Variants in PRR16 observed in about 807,000 individuals in gnomAD.
PRR16 encodes the protein protein Largen.
Under a neutral mutation model 18.2 loss-of-function variants are expected in PRR16, and 6 were observed. That is an observed-to-expected ratio of 0.33 (90% CI 0.18 to 0.65). The LOEUF is 0.65. Among genes scored for constraint, PRR16 ranks in the 30% least tolerant of loss-of-function variants. PRR16 has a pLI of 0.74. For synonymous variants in PRR16, 151 were observed against 147.8 expected (o/e 1.02, Z -0.16); for missense variants, 412 against 376.6 (o/e 1.09, Z -0.78).
intron 1 of PRR16, among the ~76,000 whole-genome samples, chr5:120,632,865 C>A (rs1003624952): frequency 7.9e-5 from 12 of 152,066 alleles, no homozygotes; most frequent in Admixed American, 6.6e-4. Context: ...CATGCAAATA[C>A]AAGAAGCTCA....
chr5:120,753,870 T>TA, the PRR16 span, among the ~76,000 whole-genome samples: 1 of 126,658 alleles, frequency 7.9e-6, no homozygotes, highest in South Asian at 2.2e-4. Context: ...ATCTTATATA[T>TA]TATATATTTA....
intron 1 of PRR16, among the ~76,000 whole-genome samples, chr5:120,530,277 A>ATT (rs1288157896): frequency 2.1e-4 from 27 of 126,198 alleles, no homozygotes; most frequent in Non-Finnish European, 2.9e-4. Context: ...ATATATATAT[A>ATT]TATATATTTA....
the PRR16 span, among the ~76,000 whole-genome samples, chr5:120,724,835 A>T: frequency 6.6e-6 from 1 of 152,054 alleles, no homozygotes. Flanking sequence ...ACCACATACC[A>T]GGCATTCTTC....
At chr5:120,659,177 A>C (rs988148575) in intron 1 of PRR16, among the ~76,000 whole-genome samples, 6 of 152,034 alleles carry the variant, frequency 3.9e-5, no homozygotes, top group African/African-American at 1.4e-4. Flanking sequence ...AGGTGAACCA[A>C]TTTGATTCCA....
At chr5:120,670,205 G>T (rs1262974720) in intron 1 of PRR16, among the ~76,000 whole-genome samples, 4 of 151,972 alleles carry the variant, frequency 2.6e-5, no homozygotes, top group Non-Finnish European at 5.9e-5. Context: ...GCCTTTCTCA[G>T]TACCACATAT....
At chr5:120,477,314 G>C (rs1238193232) in intron 1 of PRR16, among the ~76,000 whole-genome samples, 2 of 150,178 alleles carry the variant, frequency 1.3e-5, no homozygotes, top group Non-Finnish European at 2.9e-5. Flanking sequence ...ACTGAACCCG[G>C]ATCTCCCCCC....
chr5:120,614,398 G>C (rs969537502), intron 1 of PRR16, among the ~76,000 whole-genome samples: 1 of 152,158 alleles, frequency 6.6e-6, no homozygotes, highest in Non-Finnish European at 1.5e-5. Flanking sequence ...ACGAATTCAG[G>C]TTTGGTACAC....
intron 1 of PRR16, among the ~76,000 whole-genome samples, chr5:120,614,709 G>C (rs1016530798): frequency 2.0e-5 from 3 of 152,118 alleles, no homozygotes; most frequent in Non-Finnish European, 4.4e-5. Flanking sequence ...GGAATGATTT[G>C]GTAATAGTTT....
intron 1 of PRR16, among the ~76,000 whole-genome samples, chr5:120,539,686 A>G (rs1192357576): frequency 9.2e-5 from 14 of 152,174 alleles, no homozygotes; most frequent in Admixed American, 9.2e-4. Context: ...AGAAAAAAAA[A>G]CAATGCTATC....
At chr5:120,596,989 T>A (rs1320523715) in intron 1 of PRR16, among the ~76,000 whole-genome samples, 1 of 151,778 alleles carries the variant, frequency 6.6e-6, no homozygotes, top group African/African-American at 2.4e-5. Context: ...AATTTATTTA[T>A]CTACTCACCT....
intron 1 of PRR16, among the ~76,000 whole-genome samples, chr5:120,674,267 A>G (rs1372845046): frequency 6.6e-6 from 1 of 152,016 alleles, no homozygotes; most frequent in Non-Finnish European, 1.5e-5. Context: ...CCCGCCCTCC[A>G]AAAAAGGCTG....
At chr5:120,742,654 C>A in the PRR16 span, among the ~76,000 whole-genome samples, 1 of 152,004 alleles carries the variant, frequency 6.6e-6, no homozygotes, top group Non-Finnish European at 1.5e-5. Context: ...TGCATCTAAA[C>A]TTCTTTCTAT....
the PRR16 span, among the ~76,000 whole-genome samples, chr5:120,709,296 C>T: frequency 0.022 from 3,367 of 152,008 alleles, 47 homozygotes; most frequent in South Asian, 0.042. Context: ...TGTGAGCCAC[C>T]GCACCCGGCC....
At chr5:120,667,652 G>T (rs1229685098) in intron 1 of PRR16, among the ~76,000 whole-genome samples, 1 of 151,354 alleles carries the variant, frequency 6.6e-6, no homozygotes, top group Admixed American at 6.6e-5. Context: ...CTGGTATGTT[G>T]TGTCTTTGTT....
At chr5:120,632,609 G>T (rs936707486) in intron 1 of PRR16, among the ~76,000 whole-genome samples, 1 of 152,062 alleles carries the variant, frequency 6.6e-6, no homozygotes, top group African/African-American at 2.4e-5. Flanking sequence ...CAATAGACTC[G>T]AAGAAGCGGA....
At chr5:120,522,758 A>C (rs967362041) in intron 1 of PRR16, among the ~76,000 whole-genome samples, 1 of 151,532 alleles carries the variant, frequency 6.6e-6, no homozygotes, top group Non-Finnish European at 1.5e-5. Flanking sequence ...GGCGCCCGCC[A>C]CCATGCGTGG....
the PRR16 span, among the ~76,000 whole-genome samples, chr5:120,778,146 A>T: frequency 6.6e-6 from 1 of 152,152 alleles, no homozygotes; most frequent in Non-Finnish European, 1.5e-5. Context: ...ACTGCTGATC[A>T]TTCAGTTATT....
intron 1 of PRR16, among the ~76,000 whole-genome samples, chr5:120,482,164 A>C (rs919032375): frequency 6.6e-6 from 1 of 152,134 alleles, no homozygotes; most frequent in East Asian, 1.9e-4. Flanking sequence ...TTCAGGGGGT[A>C]CATGTGCAGG....
the PRR16 span, among the ~76,000 whole-genome samples, chr5:120,779,477 A>G: frequency 5.9e-5 from 9 of 152,142 alleles, no homozygotes; most frequent in African/African-American, 2.2e-4. Context: ...GGATCAAGAA[A>G]CATCCTAGAG....
Sources: allele counts gnomAD v4.1 joint callset (sites outside exome capture counted in the v4.1 genomes callset), GRCh38; gene constraint gnomAD v4.1.1; transcripts MANE v1.5; gene names NCBI Gene and HGNC (gene_info 2026-07-23, HGNC 2026-07-21).